YWHAQ: variants seen among roughly 807,000 people sequenced by gnomAD.
YWHAQ encodes the protein tyrosine 3-monooxygenase/tryptophan 5-monooxygenase activation protein theta.
YWHAQ carries 6 observed loss-of-function variants against 28.3 expected under a neutral mutation model. The ratio of observed to expected loss-of-function variants is 0.21; its 90% CI spans 0.12 to 0.42. YWHAQ has a LOEUF of 0.42. Among genes scored for constraint, YWHAQ ranks in the 10% least tolerant of loss-of-function variants. YWHAQ has a pLI of 1.00. For missense variants in YWHAQ, 201 were observed against 305.6 expected (o/e 0.66, Z 2.55); for synonymous variants, 143 against 119.1 (o/e 1.20, Z -1.31).
At chr2:9,618,453 C>T (rs539267482) in intron 2 of YWHAQ, among the ~76,000 whole-genome samples, 4 of 152,236 alleles carry the variant, frequency 2.6e-5, no homozygotes, top group Admixed American at 2.6e-4. Flanking sequence ...ATTTGTGTAG[C>T]AATCATCACT....
At chr2:9,596,944 T>G (rs917320392) in intron 2 of YWHAQ, among the ~76,000 whole-genome samples, 2 of 152,214 alleles carry the variant, frequency 1.3e-5, no homozygotes, top group African/African-American at 4.8e-5. Context: ...GGTGCCCAGC[T>G]TAGAGATTTA....
In YWHAQ at chr2:9,585,037, G is replaced by C. The variant is rs1425644696; in HGVS notation, c.*249C>G. The C allele has an allele frequency of 4.1e-6, 2 of 487,512 alleles. No homozygotes were observed. The highest frequency in any genetic ancestry group is 7.4e-6 in the Non-Finnish European group (2 of 269,474). 30.2% of individuals were successfully genotyped at this position (487,512 alleles called of 1,614,324 possible). On this transcript the variant is annotated 3_prime_UTR_variant, in exon 6 of 6. Transcript: ENST00000238081. ...TTTAGTCCTCTACATAAGTGTTTGG[G>C]AGTTACTTATGTTTATATGAAATGA...
intron 2 of YWHAQ, among the ~76,000 whole-genome samples, chr2:9,601,939 T>G (rs62119427): frequency 6.6e-6 from 1 of 151,838 alleles, no homozygotes; most frequent in Non-Finnish European, 1.5e-5. Flanking sequence ...TGAGCCACCA[T>G]GCCTGGCTGG....
chr2:9,624,086 T>A (rs968336379), intron 2 of YWHAQ, among the ~76,000 whole-genome samples: 5 of 151,970 alleles, frequency 3.3e-5, no homozygotes, highest in African/African-American at 1.2e-4. Context: ...CAAAACTTCA[T>A]CTCTACAAAA....
intron 2 of YWHAQ, among the ~76,000 whole-genome samples, chr2:9,606,034 A>G (rs921658893): frequency 1.3e-5 from 2 of 152,120 alleles, no homozygotes; most frequent in Non-Finnish European, 2.9e-5. Context: ...ATATAACACT[A>G]TATGTACAGT....
intron 2 of YWHAQ, among the ~76,000 whole-genome samples, chr2:9,603,720 T>C (rs942769437): frequency 5.3e-5 from 8 of 151,762 alleles, no homozygotes; most frequent in Non-Finnish European, 8.8e-5. Flanking sequence ...GGTCAGGAGT[T>C]CGAGAGCAGC....
In YWHAQ at chr2:9,630,584, G is replaced by A; in HGVS notation, c.-82-50C>T. 2 of 888,194 alleles carry A rather than the reference G, an allele frequency of 2.3e-6. No individual in the cohort carries two copies. Among genetic ancestry groups the A allele is most frequent in the South Asian group, 1.9e-5 (1 of 53,424 alleles). 55.0% of individuals were successfully genotyped at this position (888,194 alleles called of 1,614,324 possible). A position where few individuals can be genotyped will look rare whatever the true frequency, so the allele number is the denominator to read the frequency against. ...CGAGAACAAAAAGCAGAGAGGGAGC[G>A]CCGTCAGACAATGCGGCCCGCCGCC... is the stretch of plus-strand genomic sequence containing the variant. On this transcript the variant is annotated intron_variant, in intron 1 of 5. Transcript: ENST00000238081. This position sits in a 1 kb window ranked among gnomAD's most constrained non-coding sequence, Gnocchi z 5.6.
chr2:9,603,073 G>C (rs1377141050), intron 2 of YWHAQ, among the ~76,000 whole-genome samples: 1 of 150,836 alleles, frequency 6.6e-6, no homozygotes, highest in African/African-American at 2.4e-5. Context: ...AAGGAACAAA[G>C]TAATTTTTAA....
At chr2:9,626,432 CA>C (rs1667247859) in intron 2 of YWHAQ, among the ~76,000 whole-genome samples, 1 of 151,934 alleles carries the variant, frequency 6.6e-6, no homozygotes, top group African/African-American at 2.4e-5. Context: ...TATTTAAGCC[CA>C]GGGTTTTGTT....
chr2:9,589,837 A>C (rs1666424669), intron 3 of YWHAQ, among the ~76,000 whole-genome samples: 1 of 152,202 alleles, frequency 6.6e-6, no homozygotes, highest in Admixed American at 6.5e-5. Context: ...TATTACCAAC[A>C]CTAATCTGAT....
At position 9,591,603 on chromosome 2, in the gene YWHAQ, T is replaced by A; in HGVS notation, c.295-88A>T. 5 of 1,469,336 alleles carry A rather than the reference T, an allele frequency of 3.4e-6. No homozygotes were observed. The Admixed American group carries it at 9.6e-5, about 28-fold the overall frequency. The allele number at this position is 1,469,336 out of a possible 1,614,324, so 91.0% of individuals were successfully genotyped here. A position where few individuals can be genotyped will look rare whatever the true frequency, so the allele number is the denominator to read the frequency against. On this transcript the variant is annotated intron_variant, in intron 2 of 5. Transcript: ENST00000238081. ...TGATAAAACTTCTGCCTAGCGGGCA[T>A]TTCAATCATTTACTACTACAGTAAT...
chr2:9,607,282 C>T (rs1009359007), intron 2 of YWHAQ, among the ~76,000 whole-genome samples: 71 of 150,546 alleles, frequency 4.7e-4, no homozygotes, highest in Non-Finnish European at 1.8e-4. Flanking sequence ...CTCACTGCAA[C>T]GTCCACCTCC....
chr2:9,629,909 T>A (rs1466862381), intron 2 of YWHAQ, among the ~76,000 whole-genome samples: 2 of 152,110 alleles, frequency 1.3e-5, no homozygotes, highest in Non-Finnish European at 2.9e-5. Context: ...TACTTGGATG[T>A]TTCCAAGTTC....
At chr2:9,613,652 A>C (rs537941751) in intron 2 of YWHAQ, among the ~76,000 whole-genome samples, 1 of 152,342 alleles carries the variant, frequency 6.6e-6, no homozygotes, top group African/African-American at 2.4e-5. Flanking sequence ...TTCCCAGTCC[A>C]TCTGATCTCT....
intron 2 of YWHAQ, among the ~76,000 whole-genome samples, chr2:9,616,783 C>A (rs1667049324): frequency 6.6e-6 from 1 of 152,170 alleles, no homozygotes; most frequent in Non-Finnish European, 1.5e-5. Flanking sequence ...GATAGTACAG[C>A]CACTTCGGAA....
At chr2:9,620,269 A>G (rs1008415815) in intron 2 of YWHAQ, among the ~76,000 whole-genome samples, 13 of 152,242 alleles carry the variant, frequency 8.5e-5, no homozygotes, top group Admixed American at 7.2e-4. Context: ...ATCGTACAGA[A>G]TATGTATTTA....
chr2:9,601,998 G>C (rs910722000), intron 2 of YWHAQ, among the ~76,000 whole-genome samples: 1 of 152,174 alleles, frequency 6.6e-6, no homozygotes, highest in Non-Finnish European at 1.5e-5. Flanking sequence ...CAAATGAACA[G>C]ATACTAATTC....
Position 9,606,924 on chromosome 2 carries a change from G to A in YWHAQ, c.295-15409C>T, listed in dbSNP as rs891298957. On this transcript the variant is annotated intron_variant, in intron 2 of 5. Coordinates refer to ENST00000238081, the MANE Select transcript of YWHAQ (RefSeq NM_006826.4). Reference sequence around the variant, plus strand: ...TTTTGAGACAGAGTCTCACTCTGTCGCCCAGGCTGCAGTGCAGTAGCATAA... The same window carrying A: ...TTTTGAGACAGAGTCTCACTCTGTCACCCAGGCTGCAGTGCAGTAGCATAA... 4.7e-5 allele frequency among the ~76,000 whole-genome samples: 7 copies of A among 147,666 alleles called. No individual in the cohort carries two copies. The East Asian group carries it at 7.9e-4, about 17-fold the overall frequency.
intron 5 of YWHAQ, 102 bp downstream of exon 5, chr2:9,587,312 T>G (rs1012138471): frequency 9.7e-7 from 1 of 1,027,796 alleles, no homozygotes; most frequent in African/African-American, 1.6e-5. Flanking sequence ...TCTCATACTT[T>G]CAGCTCGTAT....
Sources: gnomAD v4.1 joint callset for allele counts (sites outside exome capture counted in the v4.1 genomes callset) on GRCh38, gnomAD v4.1.1 for gene constraint, Gnocchi (gnomAD v3.1) non-coding constraint, MANE v1.5 for transcripts, NCBI Gene and HGNC (gene_info 2026-07-23, HGNC 2026-07-21) for gene names.